Variants in SLCO1B3 observed in about 807,000 individuals in gnomAD.
SLCO1B3 encodes liver-specific organic anion transporter 2.
In SLCO1B3, 72 loss-of-function variants were observed where a neutral mutation model predicts 71.8. That is an observed-to-expected ratio of 1.00 (90% CI 0.83 to 1.22). The LOEUF is 1.22. SLCO1B3 is among the 50% of genes most tolerant of loss of function. The pLI, the probability that SLCO1B3 is intolerant of heterozygous loss-of-function variation, is 0.00. For synonymous variants in SLCO1B3, 298 were observed against 278.4 expected (o/e 1.07, Z -0.70); for missense variants, 911 against 819.7 (o/e 1.11, Z -1.36).
chr12:20,862,890 CT>C, intron 8 of SLCO1B3, 36 bp downstream of exon 8: 1 of 1,121,434 alleles, frequency 8.9e-7, no homozygotes, highest in Non-Finnish European at 1.3e-6. Context: ...ATGATAGTGT[CT>C]TTTAAGTGCA....
chr12:20,873,594 G>A (rs1865519692), intron 8 of SLCO1B3, among the ~76,000 whole-genome samples: 1 of 152,172 alleles, frequency 6.6e-6, no homozygotes. Context: ...TAAGCTGGGA[G>A]CATTTTTTAA....
intron 3 of SLCO1B3, among the ~76,000 whole-genome samples, chr12:20,828,790 A>G (rs188802842): frequency 7.0e-4 from 107 of 152,280 alleles, no homozygotes; most frequent in Non-Finnish European, 1.3e-3. Context: ...TTCAAAAGTA[A>G]CACAACTATC....
chr12:20,842,511 T>A (rs1457814371), intron 3 of SLCO1B3, among the ~76,000 whole-genome samples: 2 of 152,170 alleles, frequency 1.3e-5, no homozygotes, highest in East Asian at 3.9e-4. Flanking sequence ...AGTTTTTTTT[T>A]AATTGCTTCT....
At chr12:20,824,505 C>G (rs1057371619) in intron 3 of SLCO1B3, among the ~76,000 whole-genome samples, 2 of 152,072 alleles carry the variant, frequency 1.3e-5, no homozygotes, top group Non-Finnish European at 2.9e-5. Context: ...TTGTGAATGA[C>G]AAAAATCTTA....
chr12:20,894,840 G>C (rs1865970857), intron 13 of SLCO1B3, among the ~76,000 whole-genome samples: 1 of 151,986 alleles, frequency 6.6e-6, no homozygotes, highest in South Asian at 2.1e-4. Flanking sequence ...TTGTTTTTAT[G>C]CTGCTGATAA....
At chr12:20,821,518 G>A (rs1366556529) in intron 3 of SLCO1B3, among the ~76,000 whole-genome samples, 1 of 151,978 alleles carries the variant, frequency 6.6e-6, no homozygotes, top group Non-Finnish European at 1.5e-5. Flanking sequence ...AAGTGATGGG[G>A]GTTTCTTGCC....
intron 5 of SLCO1B3, 77 bp from the exon 6 acceptor site, chr12:20,860,940 A>C: frequency 7.1e-7 from 1 of 1,401,280 alleles, no homozygotes; most frequent in Non-Finnish European, 9.7e-7. Context: ...TAAAGGAGAA[A>C]ATTTCTCTGT....
In SLCO1B3 at chr12:20,843,552, GGGT is replaced by G. The variant is rs548089070; in HGVS notation, c.85-11473_85-11471del. On this transcript the variant is annotated intron_variant, in intron 3 of 15. Transcript: ENST00000381545. ...TCCCAGCACTTTGGGAGGCTGACGTGGGTGGATCACAAGATCAGGAGATTGAGA... is the reference window on the plus strand; with the variant it reads ...TCCCAGCACTTTGGGAGGCTGACGTGGGATCACAAGATCAGGAGATTGAGA... Among the ~76,000 whole-genome samples the G allele has an allele frequency of 4.9e-4, 75 of 152,100 alleles. 1 individual carries two copies. In the East Asian group the frequency reaches 0.012, roughly 25 times the overall value.
At chr12:20,896,265 A>G (rs972336876) in intron 13 of SLCO1B3, among the ~76,000 whole-genome samples, 7 of 152,264 alleles carry the variant, frequency 4.6e-5, no homozygotes, top group African/African-American at 1.4e-4. Context: ...CTCCTCAGAA[A>G]ATGGGGTTTT....
At chr12:20,902,537 C>T (rs1481024684) in intron 15 of SLCO1B3, among the ~76,000 whole-genome samples, 5 of 152,146 alleles carry the variant, frequency 3.3e-5, no homozygotes, top group Non-Finnish European at 5.9e-5. Context: ...GAACAATAGA[C>T]ACTGGAGCCT....
chr12:20,821,646 C>G (rs1274413958), intron 3 of SLCO1B3, among the ~76,000 whole-genome samples: 1 of 152,000 alleles, frequency 6.6e-6, no homozygotes, highest in Admixed American at 6.6e-5. Flanking sequence ...GGGTACTTGC[C>G]CCTCCCCCAG....
chr12:20,887,935 G>T (rs1265900938), intron 13 of SLCO1B3, among the ~76,000 whole-genome samples: 1 of 151,588 alleles, frequency 6.6e-6, no homozygotes, highest in African/African-American at 2.4e-5. Context: ...TTTTATGTCT[G>T]TGTATATGGC....
intron 3 of SLCO1B3, among the ~76,000 whole-genome samples, chr12:20,831,925 G>T (rs1455250491): frequency 6.6e-6 from 1 of 152,114 alleles, no homozygotes; most frequent in African/African-American, 2.4e-5. Flanking sequence ...CCTTACCACA[G>T]TTCCATCAAC....
chr12:20,831,869 T>C (rs1036728987), intron 3 of SLCO1B3, among the ~76,000 whole-genome samples: 1 of 152,204 alleles, frequency 6.6e-6, no homozygotes, highest in African/African-American at 2.4e-5. Flanking sequence ...ACTTACTATA[T>C]ATGAGATATT....
rs142364021 is a variant in SLCO1B3 at position 20,814,751 on chromosome 12, C to T, written c.-65-923C>T. On this transcript the variant is annotated intron_variant, in intron 2 of 15. Coordinates refer to ENST00000381545, the MANE Select transcript of SLCO1B3 (RefSeq NM_019844.4). ...TAAAAATACAAAACAATTAGCCGGG[C>T]GTTGTGGCACGCACCTGCGCCTGTG... Among the ~76,000 whole-genome samples the T allele has an allele frequency of 5.5e-3, 840 of 151,888 alleles. 10 individuals are homozygous for T. The highest frequency in any genetic ancestry group is 0.019 in the African/African-American group (806 of 41,432).
chr12:20,841,864 T>C (rs1037540703), intron 3 of SLCO1B3, among the ~76,000 whole-genome samples: 4 of 147,392 alleles, frequency 2.7e-5, no homozygotes, highest in Non-Finnish European at 4.5e-5. Flanking sequence ...AAATGCATAT[T>C]CTTTGAATTG....
intron 3 of SLCO1B3, among the ~76,000 whole-genome samples, chr12:20,825,111 T>G (rs1214608875): frequency 6.6e-6 from 1 of 152,184 alleles, no homozygotes; most frequent in Non-Finnish European, 1.5e-5. Flanking sequence ...CCATAAGCTA[T>G]AATTTCCATA....
intron 15 of SLCO1B3, among the ~76,000 whole-genome samples, chr12:20,909,165 CTTT>C (rs1006708034): frequency 2.4e-5 from 3 of 123,856 alleles, no homozygotes; most frequent in Non-Finnish European, 5.1e-5. Context: ...GCATCTTTTT[CTTT>C]TTTTTTTTTT....
intron 15 of SLCO1B3, among the ~76,000 whole-genome samples, chr12:20,914,240 A>G (rs1866446397): frequency 1.3e-5 from 2 of 152,094 alleles, no homozygotes; most frequent in East Asian, 1.9e-4. Context: ...AGCATTTTAT[A>G]TAATTTCATT....
Sources: allele counts gnomAD v4.1 joint callset (sites outside exome capture counted in the v4.1 genomes callset), GRCh38; gene constraint gnomAD v4.1.1; transcripts MANE v1.5; gene names NCBI Gene and HGNC (gene_info 2026-07-23, HGNC 2026-07-21).